The following ELP1 variants were observed in gnomAD, a reference collection of about 807,000 sequenced individuals.
ELP1 encodes the protein elongator acetyltransferase complex subunit 1, also known as elongator complex protein 1.
Under a neutral mutation model 183.2 loss-of-function variants are expected in ELP1, and 131 were observed. The ratio of observed to expected loss-of-function variants is 0.72; its 90% CI spans 0.62 to 0.83. The LOEUF is 0.83. Among genes scored for constraint, ELP1 ranks in the 40% least tolerant of loss-of-function variants. The probability of loss-of-function intolerance (pLI) is 0.00; values close to 1 mark genes in which losing one functional copy is unlikely to be tolerated. For missense variants in ELP1, 1,550 were observed against 1,594.9 expected (o/e 0.97, Z 0.48); for synonymous variants, 555 against 569.0 (o/e 0.98, Z 0.35).
intron 29 of ELP1, among the ~76,000 whole-genome samples, chr9:108,885,165 A>AAATAAAAT: frequency 6.6e-6 from 1 of 151,864 alleles, no homozygotes; most frequent in East Asian, 1.9e-4. Context: ...AATAAAGAGC[A>AAATAAAAT]AATAAAATAA....
In ELP1 at chr9:108,918,859, T is replaced by C; in HGVS notation, c.692A>G (p.Gln231Arg). 6.2e-7 allele frequency: 1 copy of C among 1,614,184 alleles called. No homozygotes were observed. The highest frequency in any genetic ancestry group is 8.5e-7 in the Non-Finnish European group (1 of 1,180,020). The change falls in exon 8 of 37, where the codon CAG becomes CGG. Residue 231 changes from glutamine (Q) to arginine (R), a missense_variant. Gln to Arg is a conservative substitution (Grantham distance 43, BLOSUM62 1). Transcript: ENST00000374647. The part of the protein sequence containing the change: ...VRVWNREFAL[Q>R]STSEPVAGLG... ...TCCTGCCACAGGCTCACTGGTTGACTGCAAAGCAAACTCTCGGTTCCACAC... is the reference window on the plus strand; with the variant it reads ...TCCTGCCACAGGCTCACTGGTTGACCGCAAAGCAAACTCTCGGTTCCACAC...
At chr9:108,881,973 T>C in intron 30 of ELP1, 152 bp downstream of exon 30, 1 of 704,506 alleles carries the variant, frequency 1.4e-6, no homozygotes, top group East Asian at 2.7e-5. Flanking sequence ...AAAAATGATT[T>C]TAAAAACACC....
intron 13 of ELP1, among the ~76,000 whole-genome samples, chr9:108,908,010 A>T (rs987456857): frequency 6.6e-6 from 1 of 152,198 alleles, no homozygotes; most frequent in Non-Finnish European, 1.5e-5. Flanking sequence ...GCTCCGCCTT[A>T]TCATTGTCAT....
Position 108,897,156 on chromosome 9 carries a change from AT to A in ELP1, c.2492del (p.Asn831IlefsTer14). 1 of 1,614,142 alleles carries A rather than the reference AT, an allele frequency of 6.2e-7. No homozygotes were observed. Among genetic ancestry groups the A allele is most frequent in the Non-Finnish European group, 8.5e-7 (1 of 1,180,032 alleles). ...DAMRAVMESI[N>X]PHKYCLSILT... ...GGTGACAGCATACATACTTATGAGG[AT>A]TTATGCTCTCCATGACTGCTCTCAT... On this transcript the variant is annotated frameshift_variant, in exon 23 of 37. Coordinates refer to ENST00000374647, the MANE Select transcript of ELP1 (RefSeq NM_003640.5). LOFTEE classifies it high-confidence loss of function.
chr9:108,910,088 A>G (rs1308527778), intron 12 of ELP1, among the ~76,000 whole-genome samples: 2 of 152,230 alleles, frequency 1.3e-5, no homozygotes, highest in African/African-American at 4.8e-5. Context: ...TAAACTCATT[A>G]GCATCATACA....
Position 108,868,742 on chromosome 9 carries a change from C to G in ELP1, c.*373G>C, listed in dbSNP as rs150965414. 3 of 549,592 alleles carry G rather than the reference C, an allele frequency of 5.5e-6. No homozygotes were observed. The African/African-American group carries it at 5.6e-5, about 10-fold the overall frequency. The allele number at this position is 549,592 out of a possible 1,614,324, so 34.0% of individuals were successfully genotyped here. A position where few individuals can be genotyped will look rare whatever the true frequency, so the allele number is the denominator to read the frequency against. On this transcript the variant is annotated 3_prime_UTR_variant, in exon 37 of 37. Coordinates refer to ENST00000374647, the MANE Select transcript of ELP1 (RefSeq NM_003640.5). The stretch of plus-strand genomic sequence containing the variant: ...CACTAATAGCCATTGTAATCTTCTC[C>G]GCCAACAAAATAAGACAATTTAGAA...
chr9:108,912,466 G>C lies in ELP1; in HGVS notation c.987C>G (p.His329Gln), dbSNP rs764033545. The C allele has an allele frequency of 6.2e-7, 1 of 1,613,988 alleles. No individual in the cohort carries two copies. The highest frequency in any genetic ancestry group is 1.7e-5 in the Admixed American group (1 of 60,020). Residue 329 changes from histidine to glutamine, a missense_variant, in exon 11 of 37, where the codon CAC becomes CAG. Physicochemically the swap from His to Gln is conservative, Grantham distance 24. Coordinates refer to ENST00000374647, the MANE Select transcript of ELP1 (RefSeq NM_003640.5). ...AGGATAAACTTTGCTTGAGATACCA[G>C]TGATAGTTTCCAACAGTCCAGAGCT... ...CVQLWTVGNYHWYLKQSLSFS... is the reference protein window; with the variant it reads ...CVQLWTVGNYQWYLKQSLSFS...
At chr9:108,912,146 T>A in intron 11 of ELP1, 118 bp downstream of exon 11, 1 of 812,724 alleles carries the variant, frequency 1.2e-6, no homozygotes, top group Non-Finnish European at 2.1e-6. Context: ...AAAAAACAAG[T>A]AACCCAAACA....
intron 28 of ELP1, among the ~76,000 whole-genome samples, chr9:108,890,100 G>A (rs1564079237): frequency 6.6e-6 from 1 of 152,124 alleles, no homozygotes; most frequent in Non-Finnish European, 1.5e-5. Context: ...CAAGCTAAGA[G>A]CTGTAAAGAA....
chr9:108,901,796 A>G, intron 16 of ELP1, 115 bp from the exon 17 acceptor site: 1 of 996,634 alleles, frequency 1.0e-6, no homozygotes, highest in Admixed American at 1.9e-5. Flanking sequence ...TCCTGTAATC[A>G]GGACTAAAGA....
chr9:108,910,956 TAGG>T, intron 12 of ELP1, 51 bp downstream of exon 12: 1 of 1,541,428 alleles, frequency 6.5e-7, no homozygotes, highest in Non-Finnish European at 9.0e-7. Flanking sequence ...TGCTTTTATG[TAGG>T]AGTAGAAGGG....
In ELP1 at chr9:108,918,916, A is replaced by G; in HGVS notation, c.650-15T>C. 6.3e-7 allele frequency: 1 copy of G among 1,585,942 alleles called. No homozygotes were observed. The highest frequency in any genetic ancestry group is 1.7e-5 in the Admixed American group (1 of 60,002). On this transcript the variant is annotated splice_polypyrimidine_tract_variant and intron_variant, in intron 7 of 36. Transcript: ENST00000374647. ...CTTCCGAGCCCCTGTGCGGGAGTGG[A>G]GTCAAACACACATACACACTTAAAA...
chr9:108,889,020 C>A (rs1828225761), intron 29 of ELP1, among the ~76,000 whole-genome samples: 1 of 152,164 alleles, frequency 6.6e-6, no homozygotes. Flanking sequence ...ATGGTCCTTT[C>A]TCATTGTTTC....
rs1419843948 is a variant in ELP1 at position 108,898,554 on chromosome 9, T to C, written c.2311A>G (p.Ile771Val). 2 of 1,603,928 alleles carry C rather than the reference T, an allele frequency of 1.2e-6. No individual in the cohort carries two copies. Among genetic ancestry groups the C allele is most frequent in the Non-Finnish European group, 1.7e-6 (2 of 1,171,994 alleles). ...TGATTCACAGAATCTATCTGTTTAA[T>C]GAAGGTTTCCACATTTCCAAGAAAC... ...KVFLGNVETFIKQIDSVNHIN... is the reference protein window; with the variant it reads ...KVFLGNVETFVKQIDSVNHIN... The change falls in exon 22 of 37, where the codon ATT (isoleucine) becomes GTT (valine). Residue 771 changes from isoleucine to valine, a missense_variant. Physicochemically the swap from Ile to Val is conservative, Grantham distance 29. Coordinates refer to ENST00000374647, the MANE Select transcript of ELP1 (RefSeq NM_003640.5).
intron 18 of ELP1, among the ~76,000 whole-genome samples, chr9:108,900,623 C>G (rs772237325): frequency 1.4e-4 from 21 of 152,162 alleles, no homozygotes; most frequent in Non-Finnish European, 2.5e-4. Context: ...TGTGGAGAAA[C>G]ACAGTTAAGA....
chr9:108,918,735 T>C, intron 8 of ELP1, 76 bp downstream of exon 8: 1 of 957,236 alleles, frequency 1.0e-6, no homozygotes, highest in South Asian at 1.3e-5. Flanking sequence ...CAAACATCTG[T>C]ATCATCTGTA....
At chr9:108,931,526 C>T (rs1403152236) in intron 1 of ELP1, among the ~76,000 whole-genome samples, 1 of 152,124 alleles carries the variant, frequency 6.6e-6, no homozygotes. Flanking sequence ...AATGGGGAAA[C>T]ATTTTATTTT....
intron 1 of ELP1, among the ~76,000 whole-genome samples, chr9:108,931,970 G>GA (rs879532287): frequency 6.6e-6 from 1 of 152,064 alleles, no homozygotes; most frequent in South Asian, 2.1e-4. Flanking sequence ...CTAAGTAGGG[G>GA]AAAAAAATGT....
At chr9:108,885,306 C>A (rs1029637800) in intron 29 of ELP1, among the ~76,000 whole-genome samples, 1 of 151,858 alleles carries the variant, frequency 6.6e-6, no homozygotes, top group African/African-American at 2.4e-5. Flanking sequence ...AAAGAAGACA[C>A]ATCAATATCT....
Sources: gnomAD v4.1 joint callset for allele counts (sites outside exome capture counted in the v4.1 genomes callset) on GRCh38, gnomAD v4.1.1 for gene constraint, MANE v1.5 for transcripts, NCBI Gene and HGNC (gene_info 2026-07-23, HGNC 2026-07-21) for gene names.